PPP4R3B: variants seen among roughly 807,000 people sequenced by gnomAD.
The protein encoded by PPP4R3B is serine/threonine-protein phosphatase 4 regulatory subunit 3B.
PPP4R3B carries 52 observed loss-of-function variants against 95.4 expected under a neutral mutation model. The observed-to-expected ratio is 0.54, with a 90% CI of 0.44 to 0.69. PPP4R3B has a LOEUF of 0.69. Ranked by LOEUF, PPP4R3B falls within the 30% of genes least tolerant of loss-of-function variation. The pLI is 0.00. For synonymous variants in PPP4R3B, 407 were observed against 343.9 expected (o/e 1.18, Z -2.03); for missense variants, 1,003 against 1,005.9 (o/e 1.00, Z 0.04).
chr2:55,587,627 C>T (rs866433272), intron 5 of PPP4R3B, among the ~76,000 whole-genome samples: 2 of 152,190 alleles, frequency 1.3e-5, no homozygotes, highest in Non-Finnish European at 2.9e-5. Context: ...AGAAGGCTAA[C>T]ACTGATCAAT....
Position 55,581,613 on chromosome 2 carries a change from A to T in PPP4R3B, c.1319T>A (p.Leu440His). ...ELGGAVQLMG[L>H]LRTLIDPENM... ...CTCTGGATCAATTAGAGTACGAAGA[A>T]GTCCCATTAACTGAACAGCGCCTCC... Residue 440 changes from leucine to histidine, a missense_variant, in exon 8 of 17, where the codon CTT (leucine) becomes CAT (histidine). This residue lies in a region of PPP4R3B where 695 missense variants were observed against 686.2 expected (regional missense o/e 1.01). Transcript: ENST00000616407. The T allele has an allele frequency of 6.2e-7, 1 of 1,613,746 alleles. No individual in the cohort carries two copies. The highest frequency in any genetic ancestry group is 1.3e-5 in the African/African-American group (1 of 75,046).
At chr2:55,587,019 T>C (rs188208619) in intron 5 of PPP4R3B, among the ~76,000 whole-genome samples, 40 of 152,338 alleles carry the variant, frequency 2.6e-4, no homozygotes, top group Non-Finnish European at 5.0e-4. Flanking sequence ...TTTCCTTTTT[T>C]TTCCAGTGAA....
chr2:55,614,937 A>C, intron 2 of PPP4R3B: 1 of 152,050 alleles, frequency 6.6e-6, no homozygotes, highest in African/African-American at 2.4e-5. Flanking sequence ...TATTAACAGA[A>C]GATGTTACAT....
At chr2:55,565,983 A>G (rs887307183) in intron 13 of PPP4R3B, 1 of 152,224 alleles carries the variant, frequency 6.6e-6, no homozygotes, top group Non-Finnish European at 1.5e-5. Flanking sequence ...TAGTCTTCCA[A>G]TAGTATAATA....
intron 12 of PPP4R3B, among the ~76,000 whole-genome samples, chr2:55,569,221 G>A (rs532600649): frequency 9.9e-5 from 15 of 152,232 alleles, no homozygotes; most frequent in African/African-American, 2.6e-4. Flanking sequence ...TAACACCAGC[G>A]TCTGGGAAGA....
At chr2:55,615,951 A>G (rs1450282092) in intron 1 of PPP4R3B, among the ~76,000 whole-genome samples, 2 of 135,696 alleles carry the variant, frequency 1.5e-5, no homozygotes, top group Non-Finnish European at 3.0e-5. Flanking sequence ...GGACATCTTA[A>G]TAAAATGTAT....
chr2:55,576,450 A>T (rs1688676528), intron 11 of PPP4R3B, among the ~76,000 whole-genome samples: 1 of 144,182 alleles, frequency 6.9e-6, no homozygotes, highest in South Asian at 2.2e-4. Flanking sequence ...AAGTTTAAAA[A>T]AACAAAAACA....
intron 6 of PPP4R3B, among the ~76,000 whole-genome samples, chr2:55,586,208 T>A (rs1474646291): frequency 1.3e-5 from 2 of 152,160 alleles, no homozygotes; most frequent in African/African-American, 4.8e-5. Context: ...AAATTTGTTT[T>A]AATTTTCCAT....
In PPP4R3B at chr2:55,585,315, GTTC is replaced by G. The variant is rs752889700; in HGVS notation, c.1117-151_1117-149del. 2.4e-4 allele frequency: 120 copies of G among 497,044 alleles called. No homozygotes were observed. The South Asian group carries it at 3.3e-3, about 14-fold the overall frequency. 30.8% of individuals were successfully genotyped at this position (497,044 alleles called of 1,614,324 possible). A position where few individuals can be genotyped will look rare whatever the true frequency, so the allele number is the denominator to read the frequency against. The stretch of plus-strand genomic sequence containing the variant: ...TCAATGTGTATAACCTTGCCAGTAT[GTTC>G]TTCCTTTCTTTTTACAAATATTAAA... On this transcript the variant is annotated intron_variant, in intron 6 of 16. Coordinates refer to ENST00000616407, the MANE Select transcript of PPP4R3B (RefSeq NM_001122964.3).
At chr2:55,586,433 T>C (rs140972774) in intron 6 of PPP4R3B, among the ~76,000 whole-genome samples, 185 bp downstream of exon 6, 15 of 152,308 alleles carry the variant, frequency 9.8e-5, no homozygotes, top group East Asian at 1.9e-4. Context: ...GCACACTATA[T>C]GCAAGTGATT....
chr2:55,556,404 G>C (rs1685851144), intron 16 of PPP4R3B, among the ~76,000 whole-genome samples: 1 of 152,084 alleles, frequency 6.6e-6, no homozygotes, highest in Non-Finnish European at 1.5e-5. Context: ...TAAAAACTCA[G>C]AGAAATATAA....
At chr2:55,603,515 T>C (rs576672062) in intron 3 of PPP4R3B, among the ~76,000 whole-genome samples, 2 of 152,248 alleles carry the variant, frequency 1.3e-5, no homozygotes, top group African/African-American at 4.8e-5. Context: ...AAAAAAATTC[T>C]AGTTACTTAA....
chr2:55,579,732 T>C lies in PPP4R3B; in HGVS notation c.1415A>G (p.His472Arg), dbSNP rs1434883968. 2 of 1,608,066 alleles carry C rather than the reference T, an allele frequency of 1.2e-6. No homozygotes were observed. The highest frequency in any genetic ancestry group is 1.7e-6 in the Non-Finnish European group (2 of 1,177,226). Residue 472 changes from histidine to arginine, a missense_variant, in exon 9 of 17, where the codon CAT (histidine) becomes CGT (arginine). Coordinates refer to ENST00000616407, the MANE Select transcript of PPP4R3B (RefSeq NM_001122964.3). ...FLNFFYNHCMHVLTAPLLTNT... is the reference protein window; with the variant it reads ...FLNFFYNHCMRVLTAPLLTNT... ...GGTCAAAAGTGGTGCTGTGAGAACA[T>C]GCATACAATGGTTGTAGAAAAAATT...
At chr2:55,615,568 A>G (rs1694774562) in intron 1 of PPP4R3B, 62 bp from the exon 2 acceptor site, 1 of 1,250,730 alleles carries the variant, frequency 8.0e-7, no homozygotes, top group East Asian at 2.4e-5. Flanking sequence ...TAAAAATTAG[A>G]ATACACATTA....
intron 15 of PPP4R3B, among the ~76,000 whole-genome samples, chr2:55,562,428 GCAAA>G (rs897820283): frequency 2.0e-5 from 3 of 152,080 alleles, no homozygotes; most frequent in East Asian, 1.9e-4. Context: ...ATCTCAAAAA[GCAAA>G]CAAACAAACA....
intron 3 of PPP4R3B, among the ~76,000 whole-genome samples, chr2:55,603,302 C>T (rs540788834): frequency 6.6e-6 from 1 of 152,128 alleles, no homozygotes; most frequent in Non-Finnish European, 1.5e-5. Context: ...TAGGTGTTGA[C>T]ATATAGGGGT....
chr2:55,559,120 G>A, intron 15 of PPP4R3B, 152 bp from the exon 16 acceptor site: 2 of 586,414 alleles, frequency 3.4e-6, no homozygotes, highest in Non-Finnish European at 5.8e-6. Flanking sequence ...GGCTGAGGCA[G>A]GCAGATCACC....
Position 55,598,926 on chromosome 2 carries a change from A to G in PPP4R3B, c.411T>C (p.Cys137=), listed in dbSNP as rs771090963. The change falls in exon 4 of 17, where the codon TGT becomes TGC. Residue 137 remains cysteine, a synonymous_variant. Transcript: ENST00000616407. ...ETSHLIDLPT[C]ELNKLEEIAD... ...CAATCTCTTCAAGTTTATTGAGTTC[A>G]CATGTGGGCAGGTCAATCAGATGAC... 3.7e-5 allele frequency: 59 copies of G among 1,614,126 alleles called. 3 individuals carry two copies. The South Asian group carries it at 6.1e-4, about 17-fold the overall frequency.
At chr2:55,584,023 T>G (rs1367672039) in intron 7 of PPP4R3B, among the ~76,000 whole-genome samples, 1 of 152,126 alleles carries the variant, frequency 6.6e-6, no homozygotes, top group Non-Finnish European at 1.5e-5. Flanking sequence ...CTGAACAACA[T>G]GGTGAAACCT....
Sources: allele counts gnomAD v4.1 joint callset (sites outside exome capture counted in the v4.1 genomes callset), GRCh38; gene constraint gnomAD v4.1.1; regional missense constraint gnomAD v4.1.1; transcripts MANE v1.5; gene names NCBI Gene and HGNC (gene_info 2026-07-23, HGNC 2026-07-21).